Variants in DTNA observed in about 807,000 individuals in gnomAD.
DTNA encodes dystrophin-related protein 3.
A neutral mutation model predicts 100.7 loss-of-function variants in DTNA; 43 were observed. That is an observed-to-expected ratio of 0.43 (90% CI 0.33 to 0.55). The LOEUF is 0.55. Among genes scored for constraint, DTNA ranks in the 20% least tolerant of loss-of-function variants. The pLI is 0.04. For missense variants in DTNA, 798 were observed against 953.9 expected (o/e 0.84, Z 2.15); for synonymous variants, 349 against 347.9 (o/e 1.00, Z -0.04).
chr18:34,843,232 A>G (rs1384442756), intron 13 of DTNA, among the ~76,000 whole-genome samples: 1 of 152,190 alleles, frequency 6.6e-6, no homozygotes, highest in Admixed American at 6.6e-5. Context: ...TTAAAGTATT[A>G]AGCTTTGTGT....
intron 1 of DTNA, among the ~76,000 whole-genome samples, chr18:34,715,892 T>C (rs2083947677): frequency 6.6e-6 from 1 of 152,202 alleles, no homozygotes; most frequent in African/African-American, 2.4e-5. Flanking sequence ...TTTAAAAATA[T>C]CTACAAATTA....
intron 1 of DTNA, among the ~76,000 whole-genome samples, chr18:34,621,311 TAGAA>T (rs901788130): frequency 6.6e-6 from 1 of 151,636 alleles, no homozygotes; most frequent in Non-Finnish European, 1.5e-5. Flanking sequence ...GAAGACATTT[TAGAA>T]AGAACTAAAT....
chr18:34,611,911 G>A (rs2054286574), intron 1 of DTNA, among the ~76,000 whole-genome samples: 1 of 152,182 alleles, frequency 6.6e-6, no homozygotes, highest in African/African-American at 2.4e-5. Flanking sequence ...ATGCTACCTG[G>A]GCAGTCACAG....
chr18:34,720,136 G>T lies in DTNA; in HGVS notation c.-2+9691G>T, dbSNP rs2146915732. 2.0e-5 allele frequency among the ~76,000 whole-genome samples: 3 copies of T among 152,270 alleles called. No homozygotes were observed. In the South Asian group the frequency reaches 6.2e-4, roughly 32 times the overall value. On this transcript the variant is annotated intron_variant, in intron 1 of 22. Coordinates refer to ENST00000444659, the MANE Select transcript of DTNA (RefSeq NM_001386795.1). ...CTGGCCAAGGCATAGTCATGAGGGG[G>T]TGGAAGGGTCACAAAGTCAAAGTCA...
At chr18:34,806,972 A>G (rs2095377048) in intron 5 of DTNA, among the ~76,000 whole-genome samples, 1 of 152,182 alleles carries the variant, frequency 6.6e-6, no homozygotes, top group Non-Finnish European at 1.5e-5. Flanking sequence ...TCAGTTAACC[A>G]TATGGCTAAG....
chr18:34,505,872 C>T (rs1335530920), intron 1 of DTNA, among the ~76,000 whole-genome samples: 1 of 152,110 alleles, frequency 6.6e-6, no homozygotes, highest in Non-Finnish European at 1.5e-5. Context: ...TTGAAATCTT[C>T]CCGGTTCTTG....
chr18:34,703,182 T>A (rs538083437), intron 1 of DTNA, among the ~76,000 whole-genome samples: 4 of 152,204 alleles, frequency 2.6e-5, no homozygotes, highest in African/African-American at 9.6e-5. Flanking sequence ...AGAATTTAAA[T>A]ACAAAACTGG....
intron 11 of DTNA, among the ~76,000 whole-genome samples, chr18:34,834,739 T>C (rs897282526): frequency 2.6e-5 from 4 of 152,138 alleles, no homozygotes; most frequent in African/African-American, 9.7e-5. Flanking sequence ...ACCTCACTCA[T>C]TGCTGTGAGA....
intron 3 of DTNA, among the ~76,000 whole-genome samples, chr18:34,779,160 CACA>C (rs1392385040): frequency 6.6e-6 from 1 of 152,144 alleles, no homozygotes; most frequent in South Asian, 2.1e-4. Flanking sequence ...TAGCAAACAA[CACA>C]ACAATTTCAG....
At chr18:34,618,020 A>G (rs2055675543) in intron 1 of DTNA, among the ~76,000 whole-genome samples, 1 of 152,146 alleles carries the variant, frequency 6.6e-6, no homozygotes, top group Non-Finnish European at 1.5e-5. Context: ...ATTATACTGA[A>G]TACAGAGAAG....
chr18:34,694,161 A>G (rs748463145), intron 1 of DTNA, among the ~76,000 whole-genome samples: 6 of 152,230 alleles, frequency 3.9e-5, no homozygotes, highest in Non-Finnish European at 8.8e-5. Flanking sequence ...TCACATTCCC[A>G]TGTTATGTTC....
rs1381813536 is a variant in DTNA, at chr18:34,868,193, CAGTACAGAAAT to C, written c.1743+4133_1743+4143del. On this transcript the variant is annotated intron_variant, in intron 17 of 22. Coordinates refer to ENST00000444659, the MANE Select transcript of DTNA (RefSeq NM_001386795.1). ...AAAGGAAAATTATCGGTGGTTTTAT[CAGTACAGAAAT>C]ACCACTTCTCAGGGGAACAAAATTT... The C allele has an allele frequency of 4.0e-5, 14 of 349,624 alleles. No homozygotes were observed. In the South Asian group the frequency reaches 1.6e-3, roughly 41 times the overall value. The allele number at this position is 349,624 out of a possible 1,614,324, so 21.7% of individuals were successfully genotyped here.
At chr18:34,739,647 C>T (rs1334418538) in intron 1 of DTNA, among the ~76,000 whole-genome samples, 1 of 152,152 alleles carries the variant, frequency 6.6e-6, no homozygotes, top group Non-Finnish European at 1.5e-5. Flanking sequence ...GTGTTTTTTA[C>T]ACTAGAAGGA....
rs967709125 is a variant in DTNA, at chr18:34,888,854, G to C, written c.*1120G>C. On this transcript the variant is annotated 3_prime_UTR_variant, in exon 23 of 23. Transcript: ENST00000444659. ...GCTTAAAGTGCGCTTGCAAACGTTTGCTCTCCTTTTTTTCTGAATGTTGAT... is the reference window on the plus strand; with the variant it reads ...GCTTAAAGTGCGCTTGCAAACGTTTCCTCTCCTTTTTTTCTGAATGTTGAT... 4.1e-6 allele frequency: 4 copies of C among 985,740 alleles called. No homozygotes were observed. The African/African-American group carries it at 7.0e-5, about 17-fold the overall frequency. 61.1% of individuals were successfully genotyped at this position (985,740 alleles called of 1,614,324 possible).
At chr18:34,761,093 C>G (rs1248759568) in intron 2 of DTNA, among the ~76,000 whole-genome samples, 1 of 151,834 alleles carries the variant, frequency 6.6e-6, no homozygotes, top group South Asian at 2.1e-4. Flanking sequence ...CTCTCTTTCT[C>G]TCTCTCAGTA....
chr18:34,673,709 AT>A (rs1282084600), intron 1 of DTNA, among the ~76,000 whole-genome samples: 1 of 152,198 alleles, frequency 6.6e-6, no homozygotes, highest in Non-Finnish European at 1.5e-5. Context: ...GGCGTGAAAA[AT>A]TCTACATTCA....
At chr18:34,578,146 T>TAAA (rs769730921) in intron 1 of DTNA, among the ~76,000 whole-genome samples, 1 of 151,770 alleles carries the variant, frequency 6.6e-6, no homozygotes, top group African/African-American at 2.4e-5. Flanking sequence ...GTTTTTTTTT[T>TAAA]ATTTTTTTAT....
chr18:34,743,612 A>G (rs1372308133), intron 1 of DTNA, among the ~76,000 whole-genome samples: 1 of 152,156 alleles, frequency 6.6e-6, no homozygotes, highest in African/African-American at 2.4e-5. Flanking sequence ...TTATGTTCTC[A>G]TTGTAAATGC....
chr18:34,671,876 G>A (rs2076804900), intron 1 of DTNA, among the ~76,000 whole-genome samples: 1 of 152,084 alleles, frequency 6.6e-6, no homozygotes, highest in Non-Finnish European at 1.5e-5. Context: ...ACAAATGAAT[G>A]CATGGAAATT....
Sources: allele counts gnomAD v4.1 joint callset (sites outside exome capture counted in the v4.1 genomes callset), GRCh38; gene constraint gnomAD v4.1.1; transcripts MANE v1.5; gene names NCBI Gene and HGNC (gene_info 2026-07-23, HGNC 2026-07-21).